EEF1AKMT1: variants seen among roughly 807,000 people sequenced by gnomAD.
EEF1AKMT1 encodes the protein N-6 adenine-specific DNA methyltransferase 2 (putative).
A neutral mutation model predicts 21.0 loss-of-function variants in EEF1AKMT1; 18 were observed. The observed-to-expected ratio is 0.86, with a 90% confidence interval of 0.59 to 1.27. The LOEUF (loss-of-function observed/expected upper bound fraction) is 1.27, where lower values mean the gene tolerates loss of function less well. Among genes scored for constraint, EEF1AKMT1 ranks in the 50% most tolerant of loss-of-function variants. EEF1AKMT1 has a pLI of 0.00. For synonymous variants in EEF1AKMT1, 109 were observed against 94.8 expected, an observed-to-expected ratio of 1.15 and a Z score of -0.87; for missense variants, 246 against 258.6, an observed-to-expected ratio of 0.95 and a Z score of 0.33.
At chr13:20,737,363 C>T (rs2058831721) in intron 3 of EEF1AKMT1, among the ~76,000 whole-genome samples, 1 of 151,986 alleles carries the variant, frequency 6.6e-6, no homozygotes, top group Non-Finnish European at 1.5e-5. Flanking sequence ...GAGACTCCGT[C>T]TCAAAATAAA....
Position 20,739,304 on chromosome 13 carries a change from G to A in EEF1AKMT1, c.145-1499C>T, listed in dbSNP as rs1012985176. 9.9e-5 allele frequency among the ~76,000 whole-genome samples: 15 copies of A among 152,200 alleles called. No homozygotes were observed. In the East Asian group the frequency reaches 1.5e-3, roughly 16 times the overall value. On this transcript the variant is annotated intron_variant, in intron 2 of 4. Transcript: ENST00000382758. The stretch of plus-strand genomic sequence containing the variant: ...GCAGCAGTAACATTTATTGTGAGGA[G>A]CAAAAGAACAAACCTTCCACAGCAT...
chr13:20,738,701 A>G (rs2058843267), intron 2 of EEF1AKMT1, among the ~76,000 whole-genome samples: 1 of 152,234 alleles, frequency 6.6e-6, no homozygotes. Context: ...TCTTGGAAAC[A>G]TTACACTGAA....
chr13:20,751,854 C>T (rs1595023371), intron 2 of EEF1AKMT1, among the ~76,000 whole-genome samples: 1 of 152,082 alleles, frequency 6.6e-6, no homozygotes, highest in South Asian at 2.1e-4. Context: ...CTTGTAGACA[C>T]CTTTCACCTC....
At chr13:20,735,059 T>TA (rs1235433738) in intron 3 of EEF1AKMT1, among the ~76,000 whole-genome samples, 3 of 152,064 alleles carry the variant, frequency 2.0e-5, no homozygotes, top group Non-Finnish European at 4.4e-5. Context: ...CAGCGGAGAC[T>TA]AAGGAAATCA....
At chr13:20,733,656 G>T (rs1269836075) in intron 3 of EEF1AKMT1, among the ~76,000 whole-genome samples, 3 of 152,174 alleles carry the variant, frequency 2.0e-5, no homozygotes, top group Non-Finnish European at 4.4e-5. Flanking sequence ...GGGAATATAT[G>T]CATATAGATG....
intron 3 of EEF1AKMT1, among the ~76,000 whole-genome samples, chr13:20,737,094 G>A (rs527660055): frequency 6.6e-6 from 1 of 152,058 alleles, no homozygotes; most frequent in East Asian, 2.0e-4. Context: ...GGCCAGGCAC[G>A]GTGGCTCATG....
At chr13:20,746,038 C>T (rs1267391768) in intron 2 of EEF1AKMT1, among the ~76,000 whole-genome samples, 1 of 152,106 alleles carries the variant, frequency 6.6e-6, no homozygotes, top group Non-Finnish European at 1.5e-5. Context: ...ATCTGGATGT[C>T]TGCATGCTAT....
At chr13:20,758,266 A>C (rs2058981422) in intron 1 of EEF1AKMT1, among the ~76,000 whole-genome samples, 1 of 152,182 alleles carries the variant, frequency 6.6e-6, no homozygotes, top group African/African-American at 2.4e-5. Context: ...CCCTTATCTT[A>C]ATCCAGACAC....
intron 4 of EEF1AKMT1, among the ~76,000 whole-genome samples, chr13:20,729,487 T>C (rs1423573060): frequency 6.6e-6 from 1 of 150,582 alleles, no homozygotes; most frequent in Non-Finnish European, 1.5e-5. Context: ...AAGCAGATTA[T>C]ACACACACAC....
intron 1 of EEF1AKMT1, among the ~76,000 whole-genome samples, chr13:20,759,484 G>A (rs1419177352): frequency 1.3e-5 from 2 of 152,094 alleles, no homozygotes; most frequent in African/African-American, 4.8e-5. Flanking sequence ...GGAGGCTGAG[G>A]CAGGAGAATG....
rs2058838048 is a variant in EEF1AKMT1, at chr13:20,738,274, C to T, written c.145-469G>A. Among the ~76,000 whole-genome samples, 6 of 152,374 alleles carry T rather than the reference C, an allele frequency of 3.9e-5. No homozygotes were observed. The South Asian group carries it at 1.0e-3, about 26-fold the overall frequency. Reference sequence around the variant, plus strand: ...CTGTGCTCCTTGCCCACAGCCTCATCTTACCTTATGCATGTTTCCTCAATT... The same window carrying T: ...CTGTGCTCCTTGCCCACAGCCTCATTTTACCTTATGCATGTTTCCTCAATT... On this transcript the variant is annotated intron_variant, in intron 2 of 4. Coordinates refer to ENST00000382758, the MANE Select transcript of EEF1AKMT1 (RefSeq NM_001318939.2).
chr13:20,758,155 C>A (rs1353693472), intron 1 of EEF1AKMT1, among the ~76,000 whole-genome samples: 1 of 152,164 alleles, frequency 6.6e-6, no homozygotes, highest in Admixed American at 6.5e-5. Flanking sequence ...GAGTCTGGCA[C>A]CTTTTTCGGT....
intron 2 of EEF1AKMT1, among the ~76,000 whole-genome samples, chr13:20,755,426 C>A (rs190620611): frequency 1.3e-4 from 20 of 152,334 alleles, no homozygotes; most frequent in African/African-American, 4.6e-4. Context: ...TGCCTCAGGG[C>A]CTTCATGGGC....
chr13:20,732,055 C>T lies in EEF1AKMT1; in HGVS notation c.294G>A (p.Ser98=), dbSNP rs375072175. 2.1e-5 allele frequency: 34 copies of T among 1,614,000 alleles called. No individual in the cohort carries two copies. The highest frequency in any genetic ancestry group is 2.7e-5 in the Non-Finnish European group (32 of 1,180,042). The change falls in exon 4 of 5, where the codon TCG becomes TCA. Residue 98 remains serine, a synonymous_variant. Coordinates refer to ENST00000382758, the MANE Select transcript of EEF1AKMT1 (RefSeq NM_001318939.2). The part of the protein sequence containing the change: ...KLRELCRENF[S]IYIFEYDKRF... ...TTTTGTCATATTCAAAGATGTATATCGAAAAGTTTTCTCTGCACAGCTCTC... is the reference window on the plus strand; with the variant it reads ...TTTTGTCATATTCAAAGATGTATATTGAAAAGTTTTCTCTGCACAGCTCTC...
intron 2 of EEF1AKMT1, among the ~76,000 whole-genome samples, chr13:20,752,659 T>C (rs190392042): frequency 2.6e-5 from 4 of 152,130 alleles, no homozygotes; most frequent in Non-Finnish European, 4.4e-5. Context: ...GCTGGCCTCA[T>C]AGAATGAATT....
At chr13:20,749,112 G>A (rs2058927361) in intron 2 of EEF1AKMT1, among the ~76,000 whole-genome samples, 1 of 152,174 alleles carries the variant, frequency 6.6e-6, no homozygotes, top group South Asian at 2.1e-4. Context: ...TACTATAATT[G>A]CTTTTCCTTT....
intron 1 of EEF1AKMT1, among the ~76,000 whole-genome samples, chr13:20,765,411 T>TTTTG (rs1555327451): frequency 3.2e-5 from 4 of 123,842 alleles, no homozygotes; most frequent in Non-Finnish European, 6.7e-5. Context: ...TTGGGTTTTT[T>TTTTG]TTTTTTTTTT....
In EEF1AKMT1 at chr13:20,773,914, C is replaced by A. The variant is rs1450753797; in HGVS notation, c.-20+7G>T. 6.6e-6 allele frequency: 1 copy of A among 152,514 alleles called. No homozygotes were observed. Among genetic ancestry groups the A allele is most frequent in the African/African-American group, 2.4e-5 (1 of 41,464 alleles). The allele number at this position is 152,514 out of a possible 1,614,324, so 9.4% of individuals were successfully genotyped here. On this transcript the variant is annotated splice_region_variant and intron_variant, in intron 1 of 4. Coordinates refer to ENST00000382758, the MANE Select transcript of EEF1AKMT1 (RefSeq NM_001318939.2). ...ACCCTACAGCTGCGCCCGAACCCGC[C>A]ACTCACCAGCCGCGCGTGCGCAGTC...
intron 1 of EEF1AKMT1, among the ~76,000 whole-genome samples, chr13:20,760,060 GCGCCAC>G (rs2141433746): frequency 7.6e-6 from 1 of 131,156 alleles, no homozygotes; most frequent in Admixed American, 9.3e-5. Context: ...AGCTGAGATT[GCGCCAC>G]TGCACCCCAG....
Sources: allele counts gnomAD v4.1 joint callset (sites outside exome capture counted in the v4.1 genomes callset), GRCh38; gene constraint gnomAD v4.1.1; transcripts MANE v1.5; gene names NCBI Gene and HGNC (gene_info 2026-07-23, HGNC 2026-07-21).